Variants in EPS8 observed in about 807,000 individuals in gnomAD.
The protein encoded by EPS8 is epidermal growth factor receptor kinase substrate 8.
EPS8 carries 42 observed loss-of-function variants against 103.8 expected under a neutral mutation model. That is an observed-to-expected ratio of 0.40 (90% confidence interval 0.32 to 0.52). EPS8 has a LOEUF of 0.52. Among genes scored for constraint, EPS8 ranks in the 20% least tolerant of loss-of-function variants. The pLI is 0.40. For missense variants in EPS8, 969 were observed against 1,005.1 expected (o/e 0.96, Z 0.49); for synonymous variants, 344 against 344.6 (o/e 1.00, Z 0.02).
rs1326129866 is a variant in EPS8 at position 15,682,908 on chromosome 12, T to C, written c.44A>G (p.Tyr15Cys). Residue 15 changes from tyrosine (Y) to cysteine (C), a missense_variant, in exon 2 of 21, where the codon TAC (tyrosine) becomes TGC (cysteine). Transcript: ENST00000281172. ...TTCAACTTACTTCATCTGAGATGGG[T>C]ACATTCCAAAACTACTGGGATGATT... is the stretch of plus-strand genomic sequence containing the variant. Reference protein sequence around the residue: ...ISNHPSSFGMYPSQMNGYGSS... With the variant: ...ISNHPSSFGMCPSQMNGYGSS... 3 of 1,557,986 alleles carry C rather than the reference T, an allele frequency of 1.9e-6. No homozygotes were observed. Among genetic ancestry groups the C allele is most frequent in the East Asian group, 4.5e-5 (2 of 43,972 alleles).
In EPS8 at chr12:15,712,797, C is replaced by T. The variant is rs375008982; in HGVS notation, c.-21-29825G>A. The T allele has an allele frequency of 2.2e-5, 19 of 846,550 alleles. No homozygotes were observed. The South Asian group carries it at 5.9e-4, about 26-fold the overall frequency. 52.4% of individuals were successfully genotyped at this position (846,550 alleles called of 1,614,324 possible). ...CTACAAATACCCTTTATAATAATTACGCCTTTGAGAGCCCTCCTTAGCAAA... is the reference window on the plus strand; with the variant it reads ...CTACAAATACCCTTTATAATAATTATGCCTTTGAGAGCCCTCCTTAGCAAA... On this transcript the variant is annotated intron_variant, in intron 1 of 20. Transcript: ENST00000281172.
intron 9 of EPS8, 93 bp downstream of exon 9, chr12:15,661,933 T>C: frequency 1.1e-6 from 1 of 895,284 alleles, no homozygotes; most frequent in Non-Finnish European, 1.8e-6. Flanking sequence ...TTCCATAAAA[T>C]ATCTCTATTT....
At chr12:15,667,355 A>T (rs1028953906) in intron 6 of EPS8, among the ~76,000 whole-genome samples, 2 of 152,134 alleles carry the variant, frequency 1.3e-5, no homozygotes, top group Non-Finnish European at 2.9e-5. Flanking sequence ...AAAACTGAGG[A>T]GTACTTGTAT....
chr12:15,661,712 T>C (rs1230349847), intron 9 of EPS8, among the ~76,000 whole-genome samples: 2 of 152,184 alleles, frequency 1.3e-5, no homozygotes, highest in African/African-American at 4.8e-5. Flanking sequence ...AATTATGAAT[T>C]ACAAACGATA....
chr12:15,711,033 C>CTTGCTTAT (rs1946455691), intron 1 of EPS8, among the ~76,000 whole-genome samples: 5 of 136,424 alleles, frequency 3.7e-5, no homozygotes, highest in African/African-American at 1.1e-4. Context: ...CCATGCCAGG[C>CTTGCTTAT]TTATTTATTT....
rs1323294500 is a variant in EPS8 at position 15,718,000 on chromosome 12, A to G, written c.-21-35028T>C. ...AGCAAGAAACAAAAAAATTGGTGGA[A>G]AAAGTGATTTCTCATTTCCTTTCAT... On this transcript the variant is annotated intron_variant, in intron 1 of 20. Transcript: ENST00000281172. The surrounding 1 kb of genome is among the most constrained non-coding windows in gnomAD (Gnocchi z 4.3). 6.6e-6 allele frequency among the ~76,000 whole-genome samples: 1 copy of G among 152,240 alleles called. No homozygotes were observed. Among genetic ancestry groups the G allele is most frequent in the Non-Finnish European group, 1.5e-5 (1 of 68,048 alleles).
At chr12:15,711,503 T>A (rs1946463972) in intron 1 of EPS8, among the ~76,000 whole-genome samples, 1 of 152,186 alleles carries the variant, frequency 6.6e-6, no homozygotes, top group Admixed American at 6.5e-5. Flanking sequence ...CACAAGGGTA[T>A]CTTACTAAAG....
intron 1 of EPS8, among the ~76,000 whole-genome samples, chr12:15,754,818 G>C (rs1295960731): frequency 1.3e-5 from 2 of 152,212 alleles, no homozygotes; most frequent in Admixed American, 6.5e-5. Flanking sequence ...GTTAGAGACA[G>C]GAATGTGGAC....
chr12:15,777,271 GA>G lies in EPS8; in HGVS notation c.-22+11889del, dbSNP rs1162270867. Among the ~76,000 whole-genome samples the G allele has an allele frequency of 1.3e-5, 2 of 149,910 alleles. No homozygotes were observed. Among genetic ancestry groups the G allele is most frequent in the Admixed American group, 6.7e-5 (1 of 15,022 alleles). ...ATAAGGGGTACTTACAAAGCAGAAT[GA>G]AAAAAAACACACACACACACACAAA... On this transcript the variant is annotated intron_variant, in intron 1 of 20. Coordinates refer to ENST00000281172, the MANE Select transcript of EPS8 (RefSeq NM_004447.6). The surrounding 1 kb of genome is among the most constrained non-coding windows in gnomAD (Gnocchi z 4.7).
chr12:15,640,646 A>G (rs1945212443), intron 17 of EPS8, 57 bp downstream of exon 17: 2 of 1,506,626 alleles, frequency 1.3e-6, no homozygotes, highest in South Asian at 1.2e-5. Context: ...ATCCTACTTA[A>G]GAGTGATAAC....
In EPS8 at chr12:15,771,674, G is replaced by T. The variant is rs1309929375; in HGVS notation, c.-22+17487C>A. ...TGGGCTAGAAATTCTCCGTAGGATT[G>T]CACTGCACTCCAGCCTGGGTAACAG... is the stretch of plus-strand genomic sequence containing the variant. On this transcript the variant is annotated intron_variant, in intron 1 of 20. Transcript: ENST00000281172. The surrounding 1 kb of genome is among the most constrained non-coding windows in gnomAD (Gnocchi z 4.6). Among the ~76,000 whole-genome samples, 1 of 151,536 alleles carries T rather than the reference G, an allele frequency of 6.6e-6. No homozygotes were observed. Among genetic ancestry groups the T allele is most frequent in the Non-Finnish European group, 1.5e-5 (1 of 67,868 alleles).
In EPS8 at chr12:15,670,679, C is replaced by T. The variant is rs77407826; in HGVS notation, c.204+177G>A. 0.026 allele frequency among the ~76,000 whole-genome samples: 4,025 copies of T among 152,064 alleles called. 167 individuals are homozygous for T. Among genetic ancestry groups the T allele is most frequent in the African/African-American group, 0.089 (3,699 of 41,486 alleles). ...TTAAATCATTCTTTATGAAAATAGA[C>T]CACAGACTAACAAGATACTTTATAT... On this transcript the variant is annotated intron_variant, in intron 4 of 20. Transcript: ENST00000281172.
intron 3 of EPS8, among the ~76,000 whole-genome samples, chr12:15,674,385 A>C (rs147184485): frequency 7.9e-5 from 12 of 152,316 alleles, no homozygotes; most frequent in African/African-American, 2.9e-4. Context: ...CTTTATACTT[A>C]CAAAAACTTT....
rs1284734759 is a variant in EPS8, at chr12:15,760,341, C to G, written c.-22+28820G>C. On this transcript the variant is annotated intron_variant, in intron 1 of 20. Transcript: ENST00000281172. This position sits in a 1 kb window ranked among gnomAD's most constrained non-coding sequence, Gnocchi z 4.5. ...CTCCCAGTAAAATAAAAGCCCAAGA[C>G]CCAATGGCTTCACTGCTAAATTCTA... Among the ~76,000 whole-genome samples, 1 of 152,028 alleles carries G rather than the reference C, an allele frequency of 6.6e-6. No individual in the cohort carries two copies. The highest frequency in any genetic ancestry group is 1.5e-5 in the Non-Finnish European group (1 of 67,952).
Position 15,727,811 on chromosome 12 carries a change from T to C in EPS8, c.-21-44839A>G, listed in dbSNP as rs1423440732. On this transcript the variant is annotated intron_variant, in intron 1 of 20. Transcript: ENST00000281172. The surrounding 1 kb of genome is among the most constrained non-coding windows in gnomAD (Gnocchi z 4.3). ...AGGTGGAGGTTGCAGTGAGCCAAGG[T>C]TGTGCCACTGCACTCCAGCCTGGGC... Among the ~76,000 whole-genome samples the C allele has an allele frequency of 6.6e-6, 1 of 152,176 alleles. No individual in the cohort carries two copies. The highest frequency in any genetic ancestry group is 2.4e-5 in the African/African-American group (1 of 41,432).
intron 1 of EPS8, among the ~76,000 whole-genome samples, chr12:15,730,386 A>G (rs779707939): frequency 3.9e-4 from 60 of 152,322 alleles, no homozygotes; most frequent in Middle Eastern, 6.8e-3. Context: ...CATCACTGGA[A>G]GAATAAAAGC....
chr12:15,643,670 C>CA (rs1692767414), intron 15 of EPS8, among the ~76,000 whole-genome samples: 1 of 139,646 alleles, frequency 7.2e-6, no homozygotes, highest in South Asian at 2.2e-4. Flanking sequence ...AACAGGGAGG[C>CA]AGAGGGTGCA....
At position 15,769,541 on chromosome 12, in the gene EPS8, C is replaced by T. The variant is rs1947131426; in HGVS notation, c.-22+19620G>A. 6.6e-6 allele frequency among the ~76,000 whole-genome samples: 1 copy of T among 152,126 alleles called. No homozygotes were observed. Among genetic ancestry groups the T allele is most frequent in the East Asian group, 1.9e-4 (1 of 5,200 alleles). ...CTTGTTGGCAAATATTAAGAAAAAA[C>T]ATTTTCACAGAAATATCTTGAGTAT... On this transcript the variant is annotated intron_variant, in intron 1 of 20. Transcript: ENST00000281172. This position sits in a 1 kb window ranked among gnomAD's most constrained non-coding sequence, Gnocchi z 4.6.
rs184516381 is a variant in EPS8, at chr12:15,652,673, A to G, written c.1250+1472T>C. Among the ~76,000 whole-genome samples, 16 of 152,296 alleles carry G rather than the reference A, an allele frequency of 1.1e-4. No individual in the cohort carries two copies. In the East Asian group the frequency reaches 2.9e-3, roughly 28 times the overall value. The stretch of plus-strand genomic sequence containing the variant: ...TATTATACAGCATACACTATGCTAT[A>G]CTAGTACATAAATAATATAAATAAA... On this transcript the variant is annotated intron_variant, in intron 13 of 20. Transcript: ENST00000281172.
Sources: gnomAD v4.1 joint callset for allele counts (sites outside exome capture counted in the v4.1 genomes callset) on GRCh38, gnomAD v4.1.1 for gene constraint, Gnocchi (gnomAD v3.1) non-coding constraint, MANE v1.5 for transcripts, NCBI Gene and HGNC (gene_info 2026-07-23, HGNC 2026-07-21) for gene names.